Variants in DNAH11 observed in about 807,000 individuals in gnomAD.
The protein encoded by DNAH11 is dynein axonemal heavy chain 11, also known as axonemal beta dynein heavy chain 11.
A neutral mutation model predicts 526.0 loss-of-function variants in DNAH11; 442 were observed. That is an observed-to-expected ratio of 0.84 (90% CI 0.78 to 0.91). The LOEUF (loss-of-function observed/expected upper bound fraction) is 0.91, where lower values mean the gene tolerates loss of function less well. Ranked by LOEUF, DNAH11 falls within the 40% of genes least tolerant of loss-of-function variation. The probability of loss-of-function intolerance (pLI) is 0.00; values close to 1 mark genes in which losing one functional copy is unlikely to be tolerated. For synonymous variants in DNAH11, 2,461 were observed against 1,935.9 expected (o/e 1.27, Z -7.12); for missense variants, 6,989 against 5,448.7 (o/e 1.28, Z -8.90).
At chr7:21,819,672 T>C (rs904767503) in intron 65 of DNAH11, among the ~76,000 whole-genome samples, 2 of 152,214 alleles carry the variant, frequency 1.3e-5, no homozygotes, top group African/African-American at 4.8e-5. Context: ...AGCAATTTGA[T>C]GACTCTTATT....
intron 68 of DNAH11, among the ~76,000 whole-genome samples, chr7:21,860,967 G>C (rs1783041897): frequency 6.6e-6 from 1 of 152,202 alleles, no homozygotes; most frequent in East Asian, 1.9e-4. Flanking sequence ...AACAGTATGG[G>C]AGAAACTGCC....
In DNAH11 at chr7:21,901,461, G is replaced by GTTAC. The variant is rs1784843386; in HGVS notation, c.*209_*212dup. 21 of 584,464 alleles carry GTTAC rather than the reference G, an allele frequency of 3.6e-5. No individual in the cohort carries two copies. In the South Asian group the frequency reaches 1.1e-3, roughly 31 times the overall value. 36.2% of individuals were successfully genotyped at this position (584,464 alleles called of 1,614,324 possible). ...GTGGTGGCACACGACTGTAATCCCA[G>GTTAC]TTACTCAGGAGGTAGGAGAATCACT... On this transcript the variant is annotated 3_prime_UTR_variant, in exon 82 of 82. Transcript: ENST00000409508.
intron 30 of DNAH11, among the ~76,000 whole-genome samples, chr7:21,679,328 C>T (rs1783044626): frequency 1.3e-5 from 2 of 152,054 alleles, no homozygotes; most frequent in East Asian, 1.9e-4. Context: ...ACATATGGCA[C>T]CTATAATTAA....
intron 65 of DNAH11, among the ~76,000 whole-genome samples, chr7:21,833,610 G>A (rs759034050): frequency 5.3e-5 from 8 of 152,024 alleles, no homozygotes; most frequent in Admixed American, 6.6e-5. Flanking sequence ...CAGGAGAATC[G>A]CTTGAACCCA....
At chr7:21,786,011 GT>G (rs1431525184) in intron 58 of DNAH11, among the ~76,000 whole-genome samples, 1 of 152,140 alleles carries the variant, frequency 6.6e-6, no homozygotes, top group Non-Finnish European at 1.5e-5. Context: ...GCCTCAAAGT[GT>G]TTGCCCTGAT....
rs147775971 is a variant in DNAH11, at chr7:21,702,146, G to C, written c.6181-564G>C. Among the ~76,000 whole-genome samples, 305 of 152,256 alleles carry C rather than the reference G, an allele frequency of 2.0e-3. 1 individual carries two copies. Among genetic ancestry groups the C allele is most frequent in the African/African-American group, 6.3e-3 (263 of 41,532 alleles). Reference sequence around the variant, plus strand: ...TATTCTGAGATCCTCTAAGAGCTCAGACCCTGTGGGAGGAGTCTTCATTAG... The same window carrying C: ...TATTCTGAGATCCTCTAAGAGCTCACACCCTGTGGGAGGAGTCTTCATTAG... On this transcript the variant is annotated intron_variant, in intron 36 of 81. Coordinates refer to ENST00000409508, the MANE Select transcript of DNAH11 (RefSeq NM_001277115.2).
intron 25 of DNAH11, 67 bp from the exon 26 acceptor site, chr7:21,635,804 C>A: frequency 8.0e-7 from 1 of 1,244,090 alleles, no homozygotes; most frequent in Non-Finnish European, 1.1e-6. Flanking sequence ...AGATATAGTG[C>A]CTCCCTCATA....
intron 36 of DNAH11, 72 bp downstream of exon 36, chr7:21,698,285 G>A (rs1195545370): frequency 6.4e-6 from 10 of 1,573,046 alleles, no homozygotes; most frequent in Non-Finnish European, 7.7e-6. Context: ...TGGATTTTAG[G>A]TAATTTATCA....
At position 21,601,026 on chromosome 7, in the gene DNAH11, C is replaced by A. The variant is rs779509244; in HGVS notation, c.3272C>A (p.Ala1091Asp). ...QFKEQIDIYE[A>D]LYVQMSKFED... ...TCACTACAGATTGACATTTATGAAG[C>A]TTTGTATGTTCAAATGAGCAAATTT... Residue 1091 changes from alanine (A) to aspartate (D), a missense_variant, in exon 17 of 82, where the codon GCT (alanine) becomes GAT (aspartate). Physicochemically the swap from Ala to Asp is moderately radical, Grantham distance 126 (BLOSUM62 -2). Transcript: ENST00000409508. The A allele has an allele frequency of 1.2e-6, 2 of 1,611,528 alleles. No individual in the cohort carries two copies. The highest frequency in any genetic ancestry group is 1.7e-6 in the Non-Finnish European group (2 of 1,179,450).
At chr7:21,690,925 C>T (rs1379768109) in intron 35 of DNAH11, 44 bp downstream of exon 35, 1 of 1,414,212 alleles carries the variant, frequency 7.1e-7, no homozygotes, top group South Asian at 1.2e-5. Flanking sequence ...GCACTCATGC[C>T]ACCTAATGTT....
chr7:21,559,579 A>C (rs774347191), intron 3 of DNAH11, 24 bp from the exon 4 acceptor site: 1 of 1,537,278 alleles, frequency 6.5e-7, no homozygotes, highest in African/African-American at 1.4e-5. Flanking sequence ...TCTTTGAATT[A>C]TTTTATTATC....
chr7:21,702,733 T>C lies in DNAH11; in HGVS notation c.6204T>C (p.Arg2068=), dbSNP rs749115429. 1.9e-6 allele frequency: 3 copies of C among 1,613,762 alleles called. No individual in the cohort carries two copies. The highest frequency in any genetic ancestry group is 2.2e-5 in the East Asian group (1 of 44,858). ...SKQDHYDWGL[R]AIKSVLVVAG... ...AGGATCATTACGACTGGGGACTTCG[T>C]GCTATTAAGTCTGTCTTGGTTGTGG... The change falls in exon 37 of 82, where the codon CGT becomes CGC. Residue 2068 remains arginine, a synonymous_variant. Transcript: ENST00000409508.
rs1218824337 is a variant in DNAH11, at chr7:21,691,172, TTTTTTC to T, written c.6041+297_6041+302del. Among the ~76,000 whole-genome samples the T allele has an allele frequency of 9.1e-3, 673 of 73,648 alleles. 5 individuals are homozygous for T. The African/African-American group carries it at 0.1, about 11-fold the overall frequency. 48.3% of individuals were successfully genotyped at this position (73,648 alleles called of 152,430 possible). ...TATAAACATAATCTTTCATAATTTTTTTTTTCTTTTTTTTTTTTTAACAGTCAAAGT... is the reference window on the plus strand; with the variant it reads ...TATAAACATAATCTTTCATAATTTTTTTTTTTTTTTTTTAACAGTCAAAGT... On this transcript the variant is annotated intron_variant, in intron 35 of 81. Coordinates refer to ENST00000409508, the MANE Select transcript of DNAH11 (RefSeq NM_001277115.2).
intron 76 of DNAH11, among the ~76,000 whole-genome samples, chr7:21,886,787 G>A (rs1253189008): frequency 6.6e-6 from 1 of 152,218 alleles, no homozygotes; most frequent in Non-Finnish European, 1.5e-5. Flanking sequence ...GATGAAACCT[G>A]AAGGGGCATC....
chr7:21,614,871 T>C (rs889551799), intron 20 of DNAH11, among the ~76,000 whole-genome samples: 1 of 152,272 alleles, frequency 6.6e-6, no homozygotes, highest in African/African-American at 2.4e-5. Context: ...GAAATTTTGC[T>C]AATACGTGTA....
chr7:21,733,788 G>C (rs568510730), intron 45 of DNAH11, among the ~76,000 whole-genome samples: 3 of 152,120 alleles, frequency 2.0e-5, no homozygotes, highest in Non-Finnish European at 2.9e-5. Flanking sequence ...AGTGCTGTAC[G>C]TAATGCAATC....
chr7:21,552,723 A>G (rs1051127043), intron 2 of DNAH11, among the ~76,000 whole-genome samples: 1 of 152,150 alleles, frequency 6.6e-6, no homozygotes, highest in Non-Finnish European at 1.5e-5. Context: ...CGGTACCATT[A>G]TTTTCTCCCA....
chr7:21,613,038 A>C (rs565517900), intron 20 of DNAH11, among the ~76,000 whole-genome samples: 15 of 152,322 alleles, frequency 9.8e-5, no homozygotes, highest in African/African-American at 3.6e-4. Flanking sequence ...ACGATAGGGA[A>C]CGTGAAAATT....
chr7:21,615,025 T>C, intron 20 of DNAH11, 89 bp from the exon 21 acceptor site: 2 of 1,356,412 alleles, frequency 1.5e-6, no homozygotes, highest in East Asian at 2.5e-5. Flanking sequence ...AAATCAAAGA[T>C]TGAAATGTCG....
Sources: allele counts gnomAD v4.1 joint callset (sites outside exome capture counted in the v4.1 genomes callset), GRCh38; gene constraint gnomAD v4.1.1; transcripts MANE v1.5; gene names NCBI Gene and HGNC (gene_info 2026-07-23, HGNC 2026-07-21).